Variants in IL1R1 observed in about 807,000 individuals in gnomAD.
IL1R1 encodes interleukin-1 receptor type 1.
In IL1R1, 22 loss-of-function variants were observed where a neutral mutation model predicts 50.2. The ratio of observed to expected loss-of-function variants is 0.44; its 90% confidence interval spans 0.31 to 0.63. The LOEUF (loss-of-function observed/expected upper bound fraction) is 0.63. IL1R1 is among the 20% of genes least tolerant of loss of function. The pLI, the probability that IL1R1 is intolerant of heterozygous loss-of-function variation, is 0.07. For missense variants in IL1R1, 509 were observed against 676.2 expected (o/e 0.75, Z 2.74); for synonymous variants, 251 against 236.7 (o/e 1.06, Z -0.55).
chr2:102,165,597 T>G (rs1685115934), intron 5 of IL1R1, among the ~76,000 whole-genome samples: 1 of 152,204 alleles, frequency 6.6e-6, no homozygotes, highest in Non-Finnish European at 1.5e-5. Flanking sequence ...ATTGAAGATG[T>G]AACTATTTAT....
At chr2:102,096,750 C>T in intron 1 of IL1R1, among the ~76,000 whole-genome samples, 1 of 151,496 alleles carries the variant, frequency 6.6e-6, no homozygotes, top group East Asian at 1.9e-4. Flanking sequence ...ATTTTAAAGC[C>T]TTTGAGTCTT....
intron 1 of IL1R1, among the ~76,000 whole-genome samples, chr2:102,134,673 C>T (rs532859686): frequency 5.3e-4 from 81 of 151,920 alleles, no homozygotes; most frequent in African/African-American, 1.7e-3. Flanking sequence ...CCACCATGCC[C>T]GGCCTGCATC....
chr2:102,085,401 A>G (rs1679390362), intron 1 of IL1R1, among the ~76,000 whole-genome samples: 1 of 152,218 alleles, frequency 6.6e-6, no homozygotes, highest in African/African-American at 2.4e-5. Context: ...GGTATTAAGC[A>G]GTGGCTCAAG....
intron 2 of IL1R1, among the ~76,000 whole-genome samples, chr2:102,155,212 A>G (rs1684065814): frequency 6.6e-6 from 1 of 152,258 alleles, no homozygotes; most frequent in Non-Finnish European, 1.5e-5. Context: ...GCTAACATTT[A>G]GGAGTGACCA....
chr2:102,145,729 G>A (rs1281791478), intron 1 of IL1R1, among the ~76,000 whole-genome samples: 1 of 152,194 alleles, frequency 6.6e-6, no homozygotes, highest in African/African-American at 2.4e-5. Context: ...AATGTGGAGG[G>A]AAGCCTGAGT....
intron 1 of IL1R1, among the ~76,000 whole-genome samples, chr2:102,112,596 T>A (rs1188342384): frequency 2.0e-5 from 3 of 152,146 alleles, no homozygotes; most frequent in East Asian, 3.9e-4. Flanking sequence ...AGGTGTAACA[T>A]GGGATGGGGG....
chr2:102,109,287 T>C (rs1294307411), intron 1 of IL1R1, among the ~76,000 whole-genome samples: 1 of 152,168 alleles, frequency 6.6e-6, no homozygotes, highest in East Asian at 1.9e-4. Context: ...TACCATTTAT[T>C]GAGTCACCTA....
intron 8 of IL1R1, chr2:102,172,245 C>T: frequency 1.0e-6 from 1 of 984,042 alleles, no homozygotes; most frequent in South Asian, 4.7e-5. Context: ...CATTAATGAG[C>T]TCAAGAATCA....
At chr2:102,101,176 A>G (rs905371012), upstream of IL1R1, among the ~76,000 whole-genome samples, 2 of 152,182 alleles carry the variant, frequency 1.3e-5, no homozygotes, top group South Asian at 2.1e-4. Context: ...CTGCATTTCC[A>G]TCGTGCTCCT....
intron 1 of IL1R1, among the ~76,000 whole-genome samples, chr2:102,150,801 T>C (rs1370654615): frequency 2.0e-5 from 3 of 152,202 alleles, no homozygotes; most frequent in Non-Finnish European, 1.5e-5. Context: ...CTGTCTTTCC[T>C]GGAAGCTGCT....
chr2:102,124,396 G>T (rs1681576875), intron 1 of IL1R1, among the ~76,000 whole-genome samples: 1 of 151,826 alleles, frequency 6.6e-6, no homozygotes, highest in Non-Finnish European at 1.5e-5. Flanking sequence ...CTCCAGCCTG[G>T]GTGACAGAGC....
intron 1 of IL1R1, among the ~76,000 whole-genome samples, chr2:102,074,118 A>C (rs7569218): frequency 0.62 from 94,177 of 152,100 alleles, 29,761 homozygotes; most frequent in East Asian, 0.82. Context: ...AGTTTTGGTA[A>C]CTCTCAAAGA....
chr2:102,170,850 C>G (rs1195484280), intron 7 of IL1R1, among the ~76,000 whole-genome samples: 1 of 152,154 alleles, frequency 6.6e-6, no homozygotes, highest in Non-Finnish European at 1.5e-5. Flanking sequence ...CACTTGAGGC[C>G]AGGTGTTTGA....
At chr2:102,148,477 C>G (rs912077192) in intron 1 of IL1R1, among the ~76,000 whole-genome samples, 3 of 152,230 alleles carry the variant, frequency 2.0e-5, no homozygotes, top group Admixed American at 6.5e-5. Context: ...AAAGGCTCAA[C>G]CTAGCACTCC....
At chr2:102,164,590 T>A (rs955471971) in intron 3 of IL1R1, among the ~76,000 whole-genome samples, 184 bp from the exon 4 acceptor site, 4 of 152,182 alleles carry the variant, frequency 2.6e-5, no homozygotes, top group African/African-American at 9.7e-5. Context: ...CAGTAAGTGA[T>A]GCAGCTGGAC....
intron 1 of IL1R1, among the ~76,000 whole-genome samples, chr2:102,080,906 A>G (rs1160981686): frequency 3.9e-5 from 6 of 152,364 alleles, no homozygotes; most frequent in South Asian, 2.1e-4. Flanking sequence ...TATACACAGT[A>G]CAACATAGAG....
chr2:102,176,429 C>G lies in IL1R1; in HGVS notation c.1380C>G (p.Gly460=). Residue 460 remains glycine (G), a synonymous_variant, in exon 12 of 12, where the codon GGC becomes GGG. Transcript: ENST00000410023. The part of the protein sequence containing the change: ...LIIILVRETS[G]FSWLGGSSEE... ...TCATTTTAGTCAGAGAAACATCAGG[C>G]TTCAGCTGGCTGGGTGGTTCATCTG... 2 of 1,614,124 alleles carry G rather than the reference C, an allele frequency of 1.2e-6. No individual in the cohort carries two copies. Among genetic ancestry groups the G allele is most frequent in the South Asian group, 2.2e-5 (2 of 91,080 alleles).
In IL1R1 at chr2:102,090,425, T is replaced by G. The variant is rs1038006081; in HGVS notation, c.-84+19892T>G. Among the ~76,000 whole-genome samples, 3 of 152,328 alleles carry G rather than the reference T, an allele frequency of 2.0e-5. No homozygotes were observed. In the East Asian group the frequency reaches 5.8e-4, roughly 29 times the overall value. ...TGCTTCTGATTTGCTCTTTCTGTCT[T>G]CTTCTAAGATTAATTATACATATGT... is the stretch of plus-strand genomic sequence containing the variant. On this transcript the variant is annotated intron_variant, in intron 1 of 11. Coordinates refer to the IL1R1 transcript ENST00000409929.
At chr2:102,079,883 A>G (rs1306355795) in intron 1 of IL1R1, among the ~76,000 whole-genome samples, 3 of 152,202 alleles carry the variant, frequency 2.0e-5, no homozygotes, top group Non-Finnish European at 4.4e-5. Flanking sequence ...TTCTCAGAGT[A>G]TAAATATAAA....
Sources: gnomAD v4.1 joint callset for allele counts (sites outside exome capture counted in the v4.1 genomes callset) on GRCh38, gnomAD v4.1.1 for gene constraint, MANE v1.5 for transcripts, NCBI Gene and HGNC (gene_info 2026-07-23, HGNC 2026-07-21) for gene names.